CSMD1: variants seen among roughly 807,000 people sequenced by gnomAD.
The protein encoded by CSMD1 is CUB and Sushi multiple domains 1.
A neutral mutation model predicts 417.5 loss-of-function variants in CSMD1; 213 were observed. The observed-to-expected ratio is 0.51, with a 90% CI of 0.46 to 0.57. The LOEUF (loss-of-function observed/expected upper bound fraction) is 0.57. CSMD1 is among the 20% of genes least tolerant of loss of function. The probability of loss-of-function intolerance (pLI) is 0.00; values close to 1 mark genes in which losing one functional copy is unlikely to be tolerated. For missense variants in CSMD1, 6,923 were observed against 4,529.7 expected (o/e 1.53, Z -15.17); for synonymous variants, 2,862 against 1,736.8 (o/e 1.65, Z -16.11).
At chr8:4,458,529 G>C (rs1020176000) in intron 2 of CSMD1, among the ~76,000 whole-genome samples, 2 of 151,978 alleles carry the variant, frequency 1.3e-5, no homozygotes, top group Admixed American at 6.6e-5. Context: ...TGTGAAAGAG[G>C]TATGTATTTT....
chr8:4,203,740 G>A (rs558171457), intron 3 of CSMD1, among the ~76,000 whole-genome samples: 5 of 151,972 alleles, frequency 3.3e-5, no homozygotes, highest in South Asian at 2.1e-4. Context: ...ATATGTACAC[G>A]CACATATACA....
intron 1 of CSMD1, among the ~76,000 whole-genome samples, chr8:4,754,056 A>G (rs1295321358): frequency 6.6e-6 from 1 of 152,212 alleles, no homozygotes; most frequent in Non-Finnish European, 1.5e-5. Flanking sequence ...ATAAAAGGAA[A>G]AATGTATGCG....
chr8:4,252,478 T>G (rs1417500431), intron 3 of CSMD1, among the ~76,000 whole-genome samples: 2 of 152,196 alleles, frequency 1.3e-5, no homozygotes, highest in Non-Finnish European at 2.9e-5. Context: ...CTAATACATT[T>G]CCAGGGCTTT....
chr8:3,474,943 T>C (rs1817321149), intron 11 of CSMD1, among the ~76,000 whole-genome samples: 1 of 152,204 alleles, frequency 6.6e-6, no homozygotes, highest in Non-Finnish European at 1.5e-5. Context: ...TAAGCCATCA[T>C]ATTGTAGCTG....
At chr8:3,040,791 A>C (rs1811035992) in intron 50 of CSMD1, among the ~76,000 whole-genome samples, 1 of 151,944 alleles carries the variant, frequency 6.6e-6, no homozygotes, top group East Asian at 1.9e-4. Context: ...TGGCAGAGTG[A>C]GACTCCAGCT....
chr8:3,909,189 G>C (rs1035151512), intron 5 of CSMD1, among the ~76,000 whole-genome samples: 37 of 152,174 alleles, frequency 2.4e-4, no homozygotes, highest in Admixed American at 2.2e-3. Flanking sequence ...GCTAAGATTT[G>C]TGGATGTGAC....
At chr8:3,113,578 G>C (rs894015621) in intron 42 of CSMD1, among the ~76,000 whole-genome samples, 2 of 152,222 alleles carry the variant, frequency 1.3e-5, no homozygotes, top group African/African-American at 4.8e-5. Flanking sequence ...ACATGCCCAG[G>C]TACCCTGGCG....
intron 3 of CSMD1, among the ~76,000 whole-genome samples, chr8:4,272,813 A>G (rs1227786674): frequency 6.6e-6 from 1 of 152,180 alleles, no homozygotes; most frequent in Admixed American, 6.5e-5. Flanking sequence ...TCACCACTAT[A>G]TACCTTTGCT....
chr8:3,627,934 T>G (rs1022021421), intron 7 of CSMD1, among the ~76,000 whole-genome samples: 3 of 152,148 alleles, frequency 2.0e-5, no homozygotes, highest in African/African-American at 4.8e-5. Context: ...ATACCACAAG[T>G]TGAAAAGGAA....
Position 4,897,671 on chromosome 8 carries a change from G to A in CSMD1, c.85+96661C>T, listed in dbSNP as rs190052772. Among the ~76,000 whole-genome samples, 184 of 152,164 alleles carry A rather than the reference G, an allele frequency of 1.2e-3. 2 individuals are homozygous for A. Among genetic ancestry groups the A allele is most frequent in the Admixed American group, 5.9e-3 (91 of 15,296 alleles). Reference sequence around the variant, plus strand: ...TGATATTATTTATACAGTATCTTAAGCCAGCACAACTTTTTTTTACATATT... The same window carrying A: ...TGATATTATTTATACAGTATCTTAAACCAGCACAACTTTTTTTTACATATT... On this transcript the variant is annotated intron_variant, in intron 1 of 69. Transcript: ENST00000635120.
intron 51 of CSMD1, among the ~76,000 whole-genome samples, chr8:3,026,285 G>C (rs1188441028): frequency 6.6e-6 from 1 of 151,882 alleles, no homozygotes; most frequent in Non-Finnish European, 1.5e-5. Flanking sequence ...ACAAGGACAT[G>C]AACTCTGCCC....
intron 3 of CSMD1, among the ~76,000 whole-genome samples, chr8:4,196,597 C>G (rs750213070): frequency 6.6e-6 from 1 of 152,104 alleles, no homozygotes; most frequent in African/African-American, 2.4e-5. Context: ...GGGGTCATAG[C>G]CTTCTTTGTG....
chr8:4,823,372 A>G (rs993281510), intron 1 of CSMD1, among the ~76,000 whole-genome samples: 36 of 151,984 alleles, frequency 2.4e-4, no homozygotes, highest in African/African-American at 8.7e-4. Flanking sequence ...TACAAGTATG[A>G]CTTTGAAAAA....
At chr8:3,259,790 G>T (rs771667433) in intron 26 of CSMD1, among the ~76,000 whole-genome samples, 1 of 152,150 alleles carries the variant, frequency 6.6e-6, no homozygotes, top group Non-Finnish European at 1.5e-5. Context: ...AATCAAATCT[G>T]GCCCATCAGC....
At chr8:3,099,045 C>T (rs1815547434) in intron 46 of CSMD1, among the ~76,000 whole-genome samples, 1 of 151,984 alleles carries the variant, frequency 6.6e-6, no homozygotes, top group Non-Finnish European at 1.5e-5. Flanking sequence ...CCCCTCTGTA[C>T]TGCCCACCTC....
intron 10 of CSMD1, among the ~76,000 whole-genome samples, chr8:3,551,343 C>A (rs1798901791): frequency 6.6e-6 from 1 of 152,038 alleles, no homozygotes; most frequent in Non-Finnish European, 1.5e-5. Context: ...CCAACACACA[C>A]TTTAGAGTTT....
At chr8:3,687,681 G>T (rs866760817) in intron 7 of CSMD1, among the ~76,000 whole-genome samples, 1 of 152,196 alleles carries the variant, frequency 6.6e-6, no homozygotes, top group South Asian at 2.1e-4. Flanking sequence ...GAGGCTCCCT[G>T]AGCCCCACCG....
intron 3 of CSMD1, among the ~76,000 whole-genome samples, chr8:4,033,259 T>G (rs939258507): frequency 6.7e-6 from 1 of 149,444 alleles, no homozygotes; most frequent in Admixed American, 6.7e-5. Context: ...GCTAACACGG[T>G]GAAACCCTGT....
At chr8:4,799,598 CAAAAAAAAAAAAAAAA>C (rs1168273531) in intron 1 of CSMD1, among the ~76,000 whole-genome samples, 1 of 47,152 alleles carries the variant, frequency 2.1e-5, no homozygotes, top group African/African-American at 1.0e-4. Flanking sequence ...GACTCCGTCT[CAAAAAAAAAAAAAAAA>C]AAAAAAAAAA....
Sources: allele counts gnomAD v4.1 joint callset (sites outside exome capture counted in the v4.1 genomes callset), GRCh38; gene constraint gnomAD v4.1.1; transcripts MANE v1.5; gene names NCBI Gene and HGNC (gene_info 2026-07-23, HGNC 2026-07-21).